The following GREB1 variants were observed in gnomAD, a reference collection of about 807,000 sequenced individuals.
GREB1 encodes growth regulating estrogen receptor binding 1.
Under a neutral mutation model 200.7 loss-of-function variants are expected in GREB1, and 106 were observed. The ratio of observed to expected loss-of-function variants is 0.53; its 90% CI spans 0.45 to 0.62. The LOEUF is 0.62. Ranked by LOEUF, GREB1 falls within the 20% of genes least tolerant of loss-of-function variation. GREB1 has a pLI of 0.00. For synonymous variants in GREB1, 1,132 were observed against 1,092.4 expected, an observed-to-expected ratio of 1.04 and a Z score of -0.72; for missense variants, 2,243 against 2,556.8, an observed-to-expected ratio of 0.88 and a Z score of 2.65.
rs1213715682 is a variant in GREB1 at position 11,571,200 on chromosome 2, CTG to C, written c.454+4546_454+4547del. Among the ~76,000 whole-genome samples, 4 of 152,054 alleles carry C rather than the reference CTG, an allele frequency of 2.6e-5. No homozygotes were observed. The East Asian group carries it at 5.8e-4, about 22-fold the overall frequency. ...ATGATCTTATTTTTGTCCCAAGTAA[CTG>C]TTTATTTTCAGGCACGGGGAGGGTG... On this transcript the variant is annotated intron_variant, in intron 4 of 32. Coordinates refer to ENST00000381486, the MANE Select transcript of GREB1 (RefSeq NM_014668.4).
At chr2:11,541,410 C>T (rs985345299) in intron 1 of GREB1, among the ~76,000 whole-genome samples, 3 of 151,374 alleles carry the variant, frequency 2.0e-5, no homozygotes, top group Non-Finnish European at 4.4e-5. Context: ...CAGGCGGGTT[C>T]TGTGGGCATC....
At position 11,545,905 on chromosome 2, in the gene GREB1, C is replaced by T. The variant is rs530775072; in HGVS notation, c.-161-10549C>T. ...AGAAAATAACAAAGATAGCCGGGCG[C>T]GGTGGCTCACGCCCGTAATCCCAGC... is the stretch of plus-strand genomic sequence containing the variant. On this transcript the variant is annotated intron_variant, in intron 1 of 32. Coordinates refer to ENST00000381486, the MANE Select transcript of GREB1 (RefSeq NM_014668.4). 3.3e-5 allele frequency among the ~76,000 whole-genome samples: 5 copies of T among 152,272 alleles called. No homozygotes were observed. In the East Asian group the frequency reaches 7.7e-4, roughly 24 times the overall value.
intron 1 of GREB1, among the ~76,000 whole-genome samples, chr2:11,499,893 C>T (rs1268686120): frequency 6.6e-6 from 1 of 152,174 alleles, no homozygotes; most frequent in Admixed American, 6.5e-5. Flanking sequence ...CTGCAGATAT[C>T]AGATATCCTT....
At chr2:11,621,335 A>T (rs1456794441) in intron 23 of GREB1, among the ~76,000 whole-genome samples, 1 of 152,196 alleles carries the variant, frequency 6.6e-6, no homozygotes, top group Non-Finnish European at 1.5e-5. Flanking sequence ...GATAAATCAC[A>T]TGCTTGGGAG....
At chr2:11,505,123 G>T (rs1387013777) in intron 1 of GREB1, among the ~76,000 whole-genome samples, 1 of 151,958 alleles carries the variant, frequency 6.6e-6, no homozygotes, top group Non-Finnish European at 1.5e-5. Context: ...GTAGAGACGG[G>T]GTTTCACCAT....
At chr2:11,509,764 G>C (rs572980841) in intron 1 of GREB1, among the ~76,000 whole-genome samples, 1 of 152,152 alleles carries the variant, frequency 6.6e-6, no homozygotes, top group Non-Finnish European at 1.5e-5. Context: ...CAGTGAGAAG[G>C]CCCCATCTTT....
chr2:11,636,819 CA>C (rs1685375411), intron 30 of GREB1, among the ~76,000 whole-genome samples: 2 of 115,800 alleles, frequency 1.7e-5, no homozygotes, highest in South Asian at 2.8e-4. Flanking sequence ...GGGACAGAGG[CA>C]GGGGCAGGGA....
intron 10 of GREB1, 110 bp downstream of exon 10, chr2:11,589,041 A>G (rs1680464695): frequency 3.8e-6 from 3 of 796,930 alleles, no homozygotes; most frequent in Non-Finnish European, 6.3e-6. Context: ...ATTGAAATAC[A>G]TGGGGAGAGC....
In GREB1 at chr2:11,598,449, C is replaced by T. The variant is rs557375104; in HGVS notation, c.2153-231C>T. Among the ~76,000 whole-genome samples the T allele has an allele frequency of 1.6e-4, 25 of 152,334 alleles. No homozygotes were observed. In the South Asian group the frequency reaches 5.2e-3, roughly 32 times the overall value. On this transcript the variant is annotated intron_variant, in intron 14 of 32. Transcript: ENST00000381486. ...GCTGCTTCATGAAGCTGGTGCCCCTCGGGAGGGCTGCTGTACACACAGCCA... is the reference window on the plus strand; with the variant it reads ...GCTGCTTCATGAAGCTGGTGCCCCTTGGGAGGGCTGCTGTACACACAGCCA...
intron 1 of GREB1, among the ~76,000 whole-genome samples, chr2:11,525,887 C>T (rs1257855916): frequency 6.6e-6 from 1 of 152,182 alleles, no homozygotes; most frequent in Non-Finnish European, 1.5e-5. Context: ...TCTGCCGTGC[C>T]CTGATGGATC....
chr2:11,587,458 G>T (rs745424155), intron 9 of GREB1: 2 of 1,613,374 alleles, frequency 1.2e-6, no homozygotes, highest in Admixed American at 3.3e-5. Context: ...TATGAGAGGC[G>T]TGAATTCATG....
chr2:11,568,778 A>G (rs896037743), intron 4 of GREB1, among the ~76,000 whole-genome samples: 8 of 152,246 alleles, frequency 5.3e-5, no homozygotes, highest in African/African-American at 1.9e-4. Flanking sequence ...CTCATCGAGG[A>G]GAGGAAGTGT....
At chr2:11,529,522 A>AC (rs1428840634), upstream of GREB1, among the ~76,000 whole-genome samples, 1 of 152,032 alleles carries the variant, frequency 6.6e-6, no homozygotes, top group Non-Finnish European at 1.5e-5. Context: ...AGTGGGTACC[A>AC]CCCCCTTGCT....
At chr2:11,530,406 GA>G (rs1345139636), upstream of GREB1, among the ~76,000 whole-genome samples, 2,531 of 137,496 alleles carry the variant, frequency 0.018, 64 homozygotes, top group African/African-American at 0.058. Flanking sequence ...TGCCAAATAG[GA>G]AAAAAAAAAA....
rs1679321215 is a variant in GREB1, at chr2:11,580,181, C to T, written c.773-523C>T. Among the ~76,000 whole-genome samples, 1 of 152,184 alleles carries T rather than the reference C, an allele frequency of 6.6e-6. No individual in the cohort carries two copies. Among genetic ancestry groups the T allele is most frequent in the African/African-American group, 2.4e-5 (1 of 41,438 alleles). ...ATGATTCAATTACCTCCCGCCAGGT[C>T]CCTCCCACGACACAGGGGGATTATG... On this transcript the variant is annotated intron_variant, in intron 6 of 32. Coordinates refer to ENST00000381486, the MANE Select transcript of GREB1 (RefSeq NM_014668.4). This position sits in a 1 kb window ranked among gnomAD's most constrained non-coding sequence, Gnocchi z 4.5.
intron 4 of GREB1, among the ~76,000 whole-genome samples, chr2:11,568,062 C>T (rs956367422): frequency 6.6e-6 from 1 of 152,178 alleles, no homozygotes; most frequent in Non-Finnish European, 1.5e-5. Flanking sequence ...CAGATGTAGC[C>T]TCAGGAACGG....
At chr2:11,576,701 A>T (rs1678894231) in intron 5 of GREB1, among the ~76,000 whole-genome samples, 166 bp downstream of exon 5, 1 of 152,210 alleles carries the variant, frequency 6.6e-6, no homozygotes, top group Non-Finnish European at 1.5e-5. Flanking sequence ...ACGGGCGTTA[A>T]GCTGGTTGAC....
At chr2:11,501,912 T>TTG (rs1673054937) in intron 1 of GREB1, among the ~76,000 whole-genome samples, 1 of 105,518 alleles carries the variant, frequency 9.5e-6, no homozygotes, top group Non-Finnish European at 1.9e-5. Flanking sequence ...TTTGTTTTTT[T>TTG]TTTTTTTTTT....
rs1460472884 is a variant in GREB1, at chr2:11,610,749, G to T, written c.2728G>T (p.Ala910Ser). Residue 910 changes from alanine (A) to serine (S), a missense_variant, in exon 18 of 33, where the codon GCC becomes TCC. Coordinates refer to ENST00000381486, the MANE Select transcript of GREB1 (RefSeq NM_014668.4). ...TFVLVQHYAA[A>S]LMAVSGLPQM... ...TGTTCTCGTGCAGCACTACGCGGCC[G>T]CCCTGATGGCCGTAAGCGGCCTCCC... The T allele has an allele frequency of 6.2e-7, 1 of 1,613,494 alleles. No homozygotes were observed. Among genetic ancestry groups the T allele is most frequent in the South Asian group, 1.1e-5 (1 of 91,090 alleles).
Sources: gnomAD v4.1 joint callset for allele counts (sites outside exome capture counted in the v4.1 genomes callset) on GRCh38, gnomAD v4.1.1 for gene constraint, Gnocchi (gnomAD v3.1) non-coding constraint, MANE v1.5 for transcripts, NCBI Gene and HGNC (gene_info 2026-07-23, HGNC 2026-07-21) for gene names.